Variants in CNTNAP2 observed in about 807,000 individuals in gnomAD.
The protein encoded by CNTNAP2 is contactin-associated protein-like 2.
A neutral mutation model predicts 155.2 loss-of-function variants in CNTNAP2; 98 were observed. The observed-to-expected ratio is 0.63, with a 90% CI of 0.54 to 0.75. The LOEUF (loss-of-function observed/expected upper bound fraction) is 0.75, where lower values mean the gene tolerates loss of function less well. Ranked by LOEUF, CNTNAP2 falls within the 30% of genes least tolerant of loss-of-function variation. The pLI, the probability that CNTNAP2 is intolerant of heterozygous loss-of-function variation, is 0.00. For synonymous variants in CNTNAP2, 651 were observed against 631.2 expected (o/e 1.03, Z -0.47); for missense variants, 1,727 against 1,688.1 (o/e 1.02, Z -0.40).
chr7:148,059,861 G>T (rs908909112), intron 15 of CNTNAP2, among the ~76,000 whole-genome samples: 3 of 151,678 alleles, frequency 2.0e-5, no homozygotes, highest in African/African-American at 7.3e-5. Context: ...ATACTTGAGT[G>T]CATATTAAGA....
chr7:146,751,406 A>G (rs1801901133), intron 1 of CNTNAP2, among the ~76,000 whole-genome samples: 1 of 152,190 alleles, frequency 6.6e-6, no homozygotes, highest in Admixed American at 6.5e-5. Flanking sequence ...TACCTGCTAA[A>G]TTGGAGTGGG....
chr7:146,700,537 AT>A (rs1184020470), intron 1 of CNTNAP2, among the ~76,000 whole-genome samples: 1 of 152,092 alleles, frequency 6.6e-6, no homozygotes, highest in Admixed American at 6.6e-5. Context: ...TTGTACATGT[AT>A]GTTTATAAAA....
At chr7:147,756,517 G>T (rs1022055038) in intron 13 of CNTNAP2, among the ~76,000 whole-genome samples, 8 of 152,144 alleles carry the variant, frequency 5.3e-5, no homozygotes, top group African/African-American at 1.9e-4. Context: ...GATAGCCGAT[G>T]TTTTGTCACA....
At chr7:148,152,132 G>A (rs555314099) in intron 17 of CNTNAP2, among the ~76,000 whole-genome samples, 7 of 152,110 alleles carry the variant, frequency 4.6e-5, no homozygotes, top group African/African-American at 1.2e-4. Flanking sequence ...TTTCTTGCCC[G>A]CTACACAGGT....
intron 1 of CNTNAP2, among the ~76,000 whole-genome samples, chr7:146,658,235 A>C (rs2129165316): frequency 6.6e-6 from 1 of 152,332 alleles, no homozygotes; most frequent in Non-Finnish European, 1.5e-5. Context: ...ATGAAGGCAT[A>C]GAATGGCAGC....
At chr7:147,294,907 G>A (rs574749484) in intron 8 of CNTNAP2, among the ~76,000 whole-genome samples, 9 of 152,062 alleles carry the variant, frequency 5.9e-5, no homozygotes, top group South Asian at 4.2e-4. Flanking sequence ...TAATCCACCC[G>A]CCTCGGCCTC....
chr7:146,714,986 C>A (rs1358206033), intron 1 of CNTNAP2, among the ~76,000 whole-genome samples: 1 of 152,094 alleles, frequency 6.6e-6, no homozygotes, highest in Non-Finnish European at 1.5e-5. Flanking sequence ...GTAATTCCTA[C>A]CCTATGAGAA....
chr7:147,506,749 T>A (rs1164749179), intron 11 of CNTNAP2, among the ~76,000 whole-genome samples: 1 of 152,244 alleles, frequency 6.6e-6, no homozygotes, highest in African/African-American at 2.4e-5. Flanking sequence ...CACTAACATC[T>A]ACCCACTGTC....
intron 9 of CNTNAP2, among the ~76,000 whole-genome samples, chr7:147,327,016 G>C (rs943936007): frequency 1.3e-5 from 2 of 152,142 alleles, no homozygotes; most frequent in African/African-American, 2.4e-5. Context: ...AAACAAATGA[G>C]TACATCTTAG....
intron 1 of CNTNAP2, among the ~76,000 whole-genome samples, chr7:146,132,766 T>G (rs1301036251): frequency 1.3e-5 from 2 of 151,378 alleles, no homozygotes; most frequent in African/African-American, 2.4e-5. Context: ...GGCTGCATAG[T>G]ATTCCATGGT....
Position 148,388,225 on chromosome 7 carries a change from T to C in CNTNAP2, c.3715+4337T>C, listed in dbSNP as rs547261652. On this transcript the variant is annotated intron_variant, in intron 22 of 23. Transcript: ENST00000361727. Reference sequence around the variant, plus strand: ...TAGTTACATATGTATACATGTGCCATGCTGGTACGCTGCACCCACTAACTC... The same window carrying C: ...TAGTTACATATGTATACATGTGCCACGCTGGTACGCTGCACCCACTAACTC... Among the ~76,000 whole-genome samples, 267 of 152,120 alleles carry C rather than the reference T, an allele frequency of 1.8e-3. 1 individual carries two copies. Among genetic ancestry groups the C allele is most frequent in the African/African-American group, 6.0e-3 (251 of 41,538 alleles).
intron 3 of CNTNAP2, among the ~76,000 whole-genome samples, chr7:146,989,217 AAAG>A (rs1457633657): frequency 1.3e-5 from 2 of 151,998 alleles, no homozygotes; most frequent in African/African-American, 2.4e-5. Context: ...GGAAGGAAAG[AAAG>A]AAGGATTGGG....
At chr7:147,134,922 C>G (rs143646392) in intron 8 of CNTNAP2, among the ~76,000 whole-genome samples, 2 of 151,696 alleles carry the variant, frequency 1.3e-5, no homozygotes, top group Admixed American at 1.3e-4. Flanking sequence ...AGAAAAATAA[C>G]CAGTGATAAA....
chr7:147,691,853 TAC>T (rs1164197039), intron 13 of CNTNAP2, among the ~76,000 whole-genome samples: 1 of 151,978 alleles, frequency 6.6e-6, no homozygotes, highest in African/African-American at 2.4e-5. Flanking sequence ...TCAATAAACC[TAC>T]ACAGACACAT....
At chr7:146,799,104 G>A (rs1802828786) in intron 2 of CNTNAP2, among the ~76,000 whole-genome samples, 1 of 152,118 alleles carries the variant, frequency 6.6e-6, no homozygotes, top group Non-Finnish European at 1.5e-5. Context: ...TGTCCAGACT[G>A]TATTTGCTAT....
At chr7:146,365,104 TG>T (rs1275809362) in intron 1 of CNTNAP2, among the ~76,000 whole-genome samples, 1 of 152,212 alleles carries the variant, frequency 6.6e-6, no homozygotes, top group African/African-American at 2.4e-5. Context: ...TGTGGTATCT[TG>T]CAGAATTTTT....
At chr7:147,757,501 A>G (rs1797228590) in intron 13 of CNTNAP2, among the ~76,000 whole-genome samples, 1 of 152,064 alleles carries the variant, frequency 6.6e-6, no homozygotes, top group African/African-American at 2.4e-5. Flanking sequence ...AACCTGTAAG[A>G]CTTGAAGTCT....
At chr7:147,972,935 G>A (rs1055419533) in intron 14 of CNTNAP2, among the ~76,000 whole-genome samples, 7 of 152,024 alleles carry the variant, frequency 4.6e-5, no homozygotes, top group Non-Finnish European at 1.0e-4. Flanking sequence ...TTCACACCGT[G>A]AAGCCAGGAG....
intron 2 of CNTNAP2, among the ~76,000 whole-genome samples, chr7:146,805,830 A>G (rs1802957524): frequency 1.3e-5 from 2 of 152,248 alleles, no homozygotes; most frequent in Non-Finnish European, 2.9e-5. Context: ...TAGTCTTCCT[A>G]TTATTAACAG....
Sources: allele counts gnomAD v4.1 joint callset (sites outside exome capture counted in the v4.1 genomes callset), GRCh38; gene constraint gnomAD v4.1.1; transcripts MANE v1.5; gene names NCBI Gene and HGNC (gene_info 2026-07-23, HGNC 2026-07-21).